Variants in RFC5 observed in about 807,000 individuals in gnomAD.
The protein encoded by RFC5 is replication factor C subunit 5.
A neutral mutation model predicts 44.3 loss-of-function variants in RFC5; 26 were observed. That is an observed-to-expected ratio of 0.59 (90% CI 0.43 to 0.81). The LOEUF is 0.81. RFC5 is among the 40% of genes least tolerant of loss of function. The pLI is 0.00. For missense variants in RFC5, 328 were observed against 418.6 expected (o/e 0.78, Z 1.89); for synonymous variants, 155 against 155.2 (o/e 1.00, Z 0.01).
rs2031347119 is a variant in RFC5, at chr12:118,031,968, C to T, written c.*690C>T. On this transcript the variant is annotated 3_prime_UTR_variant, in exon 11 of 11. Transcript: ENST00000454402. Reference sequence around the variant, plus strand: ...CACTTGTTTTCATGCAGGAGCGGGGCAAGTAAGGTTGAGCCTGACTGTAAA... The same window carrying T: ...CACTTGTTTTCATGCAGGAGCGGGGTAAGTAAGGTTGAGCCTGACTGTAAA... The T allele has an allele frequency of 6.6e-6, 1 of 152,158 alleles. No individual in the cohort carries two copies. The highest frequency in any genetic ancestry group is 1.5e-5 in the Non-Finnish European group (1 of 68,032). The allele number at this position is 152,158 out of a possible 1,614,324, so 9.4% of individuals were successfully genotyped here.
chr12:118,019,570 C>T lies in RFC5; in HGVS notation c.131-62C>T. ...AAGAGCTTTCAGCCCAACTCAGGAG[C>T]CCAGGGTGAATGAGGCAGCTCCCAA... On this transcript the variant is annotated intron_variant, in intron 2 of 10. Transcript: ENST00000454402. The surrounding 1 kb of genome is among the most constrained non-coding windows in gnomAD (Gnocchi z 4.2). 6.3e-7 allele frequency: 1 copy of T among 1,599,032 alleles called. No individual in the cohort carries two copies. The highest frequency in any genetic ancestry group is 8.6e-7 in the Non-Finnish European group (1 of 1,169,146).
downstream of RFC5, chr12:118,032,824 T>G (rs1384016444): frequency 1.3e-5 from 2 of 152,252 alleles, no homozygotes; most frequent in African/African-American, 4.8e-5. Context: ...ATTACAGGCA[T>G]GTGCCGTCAC....
chr12:118,025,791 C>A lies in RFC5; in HGVS notation c.626C>A (p.Ser209Tyr). The change falls in exon 7 of 11, where the codon TCC (serine) becomes TAC (tyrosine). Residue 209 changes from serine (S) to tyrosine (Y), a missense_variant. Transcript: ENST00000454402. ...EDGMKALVTL[S>Y]SGDMRRALNI... ...GGAATGAAAGCACTAGTCACTCTTT[C>A]CAGTGGAGACATGCGTAGGGCTCTG... 6.2e-7 allele frequency: 1 copy of A among 1,609,380 alleles called. No individual in the cohort carries two copies.
In RFC5 at chr12:118,025,489, C is replaced by T. The variant is rs374823989; in HGVS notation, c.582-258C>T. 50 of 434,966 alleles carry T rather than the reference C, an allele frequency of 1.1e-4. 1 individual carries two copies. The Middle Eastern group carries it at 1.9e-3, about 17-fold the overall frequency. The allele number at this position is 434,966 out of a possible 1,614,324, so 26.9% of individuals were successfully genotyped here. On this transcript the variant is annotated intron_variant, in intron 6 of 10. Coordinates refer to ENST00000454402, the MANE Select transcript of RFC5 (RefSeq NM_007370.7). The stretch of plus-strand genomic sequence containing the variant: ...CCTCCCCAGAGAGCAGAATTCAAGA[C>T]GACTGGCTCCATGGGAGAATGCTTG...
At chr12:118,020,024 A>G (rs985649374) in intron 3 of RFC5, among the ~76,000 whole-genome samples, 1 of 152,174 alleles carries the variant, frequency 6.6e-6, no homozygotes, top group African/African-American at 2.4e-5. Flanking sequence ...ACCTTACTTT[A>G]TGGTGACTTG....
At chr12:118,017,708 T>C (rs1593433925) in intron 1 of RFC5, 3 of 779,150 alleles carry the variant, frequency 3.9e-6, no homozygotes, top group Middle Eastern at 5.6e-4. Context: ...TCTCGCTCTG[T>C]CGCCCATGCT....
rs571411174 is a variant in RFC5 at position 118,025,901 on chromosome 12, T to C, written c.663+73T>C. Reference sequence around the variant, plus strand: ...TCTTGCTCTGTCGCTCAGGCTGGAGTGCAGCAACACAATCTCAGCTCACTG... The same window carrying C: ...TCTTGCTCTGTCGCTCAGGCTGGAGCGCAGCAACACAATCTCAGCTCACTG... On this transcript the variant is annotated intron_variant, in intron 7 of 10. Coordinates refer to ENST00000454402, the MANE Select transcript of RFC5 (RefSeq NM_007370.7). The C allele has an allele frequency of 1.3e-5, 12 of 900,156 alleles. No individual in the cohort carries two copies. The African/African-American group carries it at 1.9e-4, about 14-fold the overall frequency. The allele number at this position is 900,156 out of a possible 1,614,324, so 55.8% of individuals were successfully genotyped here.
At chr12:118,024,141 A>G (rs1012244184) in intron 5 of RFC5, among the ~76,000 whole-genome samples, 1 of 152,020 alleles carries the variant, frequency 6.6e-6, no homozygotes, top group Non-Finnish European at 1.5e-5. Flanking sequence ...GGAGATCGAG[A>G]CCATCCTGGC....
rs1287165445 is a variant in RFC5, at chr12:118,024,733, T to C, written c.422-118T>C. 6 of 820,110 alleles carry C rather than the reference T, an allele frequency of 7.3e-6. No homozygotes were observed. The Admixed American group carries it at 9.4e-5, about 13-fold the overall frequency. The allele number at this position is 820,110 out of a possible 1,614,324, so 50.8% of individuals were successfully genotyped here. On this transcript the variant is annotated intron_variant, in intron 5 of 10. Transcript: ENST00000454402. ...TACGCCCGGCCAACATCCTCACTTG[T>C]TTGCAGTATTGAATCTTTTCCTATA...
the RFC5 span, among the ~76,000 whole-genome samples, chr12:118,040,527 G>A: frequency 2.6e-5 from 4 of 151,948 alleles, no homozygotes; most frequent in African/African-American, 4.8e-5. Context: ...TTGGGAGGCC[G>A]AGGTGGGCAG....
At chr12:118,020,348 G>C (rs2030400340) in intron 3 of RFC5, among the ~76,000 whole-genome samples, 1 of 152,202 alleles carries the variant, frequency 6.6e-6, no homozygotes, top group Non-Finnish European at 1.5e-5. Context: ...AAGGGTGACA[G>C]GTATTGCATA....
At chr12:118,035,404 CA>C (rs2031488633), downstream of RFC5, 5 of 1,284,966 alleles carry the variant, frequency 3.9e-6, no homozygotes, top group Non-Finnish European at 5.6e-6. Flanking sequence ...GGCAGGAAGC[CA>C]AACTGCCCTG....
Position 118,031,358 on chromosome 12 carries a change from C to T in RFC5, c.*80C>T. 2.1e-6 allele frequency: 2 copies of T among 946,802 alleles called. No individual in the cohort carries two copies. Among genetic ancestry groups the T allele is most frequent in the Non-Finnish European group, 1.7e-6 (1 of 605,976 alleles). The allele number at this position is 946,802 out of a possible 1,614,324, so 58.7% of individuals were successfully genotyped here. A position where few individuals can be genotyped will look rare whatever the true frequency, so the allele number is the denominator to read the frequency against. Reference sequence around the variant, plus strand: ...GGACAGTTCCAGGATAAACTGCTGCCTGGGGCTGTGGGATGAATCAGTCAC... The same window carrying T: ...GGACAGTTCCAGGATAAACTGCTGCTTGGGGCTGTGGGATGAATCAGTCAC... On this transcript the variant is annotated 3_prime_UTR_variant, in exon 11 of 11. Transcript: ENST00000454402.
At position 118,016,800 on chromosome 12, in the gene RFC5, CG is replaced by C. The variant is rs1566118503; in HGVS notation, c.-26del. On this transcript the variant is annotated 5_prime_UTR_variant, in exon 1 of 11. Transcript: ENST00000454402. The stretch of plus-strand genomic sequence containing the variant: ...CGCTTGGGTGACGCGACGATCTCAG[CG>C]GATCTGGTCACCTTCGTCTCCCCGC... 8 of 1,597,270 alleles carry C rather than the reference CG, an allele frequency of 5.0e-6. 1 individual carries two copies. The South Asian group carries it at 9.0e-5, about 18-fold the overall frequency.
chr12:118,026,765 T>G (rs1279563552), intron 7 of RFC5, 124 bp from the exon 8 acceptor site: 1 of 1,007,402 alleles, frequency 9.9e-7, no homozygotes, highest in Non-Finnish European at 1.5e-6. Flanking sequence ...CCCACTGCCT[T>G]GTGCCCATAG....
chr12:118,029,901 T>G, intron 10 of RFC5, 76 bp downstream of exon 10: 2 of 1,150,576 alleles, frequency 1.7e-6, no homozygotes, highest in Admixed American at 3.5e-5. Flanking sequence ...TTCAACTTTC[T>G]TGGTTTCAGG....
chr12:118,036,136 A>C, downstream of RFC5: 1 of 520,298 alleles, frequency 1.9e-6, no homozygotes, highest in South Asian at 2.8e-5. Flanking sequence ...CGGGAGGTGG[A>C]GGTTGCAGTG....
At chr12:118,027,850 A>C (rs1264579607) in intron 8 of RFC5, 103 bp from the exon 9 acceptor site, 3 of 732,292 alleles carry the variant, frequency 4.1e-6, no homozygotes, top group Non-Finnish European at 7.4e-6. Flanking sequence ...TGTTGGGATT[A>C]AAAGCCTTAC....
the RFC5 span, chr12:118,038,469 C>G: frequency 5.3e-6 from 7 of 1,316,600 alleles, no homozygotes; most frequent in Non-Finnish European, 7.5e-6. Context: ...GGGGTGGTAA[C>G]AGCCCCCAGC....
Sources: allele counts gnomAD v4.1 joint callset (sites outside exome capture counted in the v4.1 genomes callset), GRCh38; gene constraint gnomAD v4.1.1; non-coding constraint Gnocchi (gnomAD v3.1); transcripts MANE v1.5; gene names NCBI Gene and HGNC (gene_info 2026-07-23, HGNC 2026-07-21).